Variants in SPAST observed in about 807,000 individuals in gnomAD.
The protein encoded by SPAST is spastin.
Under a neutral mutation model 76.6 loss-of-function variants are expected in SPAST, and 30 were observed. The observed-to-expected ratio is 0.39, with a 90% CI of 0.29 to 0.53. The LOEUF (loss-of-function observed/expected upper bound fraction) is 0.53. Among genes scored for constraint, SPAST ranks in the 20% least tolerant of loss-of-function variants. SPAST has a pLI of 0.68. For synonymous variants in SPAST, 305 were observed against 281.0 expected, an observed-to-expected ratio of 1.09 and a Z score of -0.86; for missense variants, 717 against 770.5, an observed-to-expected ratio of 0.93 and a Z score of 0.82.
At chr2:32,136,025 C>T (rs1679524404) in intron 9 of SPAST, among the ~76,000 whole-genome samples, 2 of 150,980 alleles carry the variant, frequency 1.3e-5, no homozygotes, top group Admixed American at 1.3e-4. Flanking sequence ...TCACAGTGAG[C>T]CGAGATTGCA....
rs1205462897 is a variant in SPAST at position 32,156,556 on chromosome 2, A to T, written c.*2060A>T. 2.0e-5 allele frequency: 3 copies of T among 152,318 alleles called. No individual in the cohort carries two copies. In the East Asian group the frequency reaches 5.8e-4, roughly 29 times the overall value. The allele number at this position is 152,318 out of a possible 1,614,324, so 9.4% of individuals were successfully genotyped here. A position where few individuals can be genotyped will look rare whatever the true frequency, so the allele number is the denominator to read the frequency against. On this transcript the variant is annotated 3_prime_UTR_variant, in exon 17 of 17. Transcript: ENST00000315285. Reference sequence around the variant, plus strand: ...TTACAACATCAATTATGAAATACTGATAACGAAAGGTAGTAATGAAATATA... The same window carrying T: ...TTACAACATCAATTATGAAATACTGTTAACGAAAGGTAGTAATGAAATATA...
rs1383033683 is a variant in SPAST at position 32,156,381 on chromosome 2, A to G, written c.*1885A>G. ...AGGATCATATGCTGTTTGTAGCCAT[A>G]AGGTAAATCATGTCTCTTCCAATCA... On this transcript the variant is annotated 3_prime_UTR_variant, in exon 17 of 17. Transcript: ENST00000315285. 1 of 152,168 alleles carries G rather than the reference A, an allele frequency of 6.6e-6. No individual in the cohort carries two copies. The highest frequency in any genetic ancestry group is 6.6e-5 in the Admixed American group (1 of 15,262). 9.4% of individuals were successfully genotyped at this position (152,168 alleles called of 1,614,324 possible). A position where few individuals can be genotyped will look rare whatever the true frequency, so the allele number is the denominator to read the frequency against.
intron 1 of SPAST, among the ~76,000 whole-genome samples, chr2:32,069,102 A>G (rs989325845): frequency 3.3e-5 from 5 of 151,888 alleles, no homozygotes; most frequent in African/African-American, 1.2e-4. Context: ...AGTCCCGGGT[A>G]CTTGGGACGC....
intron 4 of SPAST, among the ~76,000 whole-genome samples, chr2:32,113,310 C>T (rs571736681): frequency 6.6e-6 from 1 of 151,188 alleles, no homozygotes; most frequent in Non-Finnish European, 1.5e-5. Context: ...GTCTTGAACT[C>T]CATACCTCAG....
intron 1 of SPAST, among the ~76,000 whole-genome samples, chr2:32,079,851 A>C (rs1677132121): frequency 6.6e-6 from 1 of 152,128 alleles, no homozygotes; most frequent in African/African-American, 2.4e-5. Context: ...TTATTAATGG[A>C]TATTTGGATT....
At chr2:32,083,806 C>T (rs1157404931) in intron 1 of SPAST, among the ~76,000 whole-genome samples, 2 of 98,392 alleles carry the variant, frequency 2.0e-5, no homozygotes, top group African/African-American at 3.9e-5. Flanking sequence ...TGAAGTCATG[C>T]TCTGTTGACC....
intron 1 of SPAST, among the ~76,000 whole-genome samples, chr2:32,078,815 T>C (rs1449520438): frequency 6.6e-6 from 1 of 152,212 alleles, no homozygotes; most frequent in African/African-American, 2.4e-5. Flanking sequence ...TCTTTTTCAC[T>C]TACCATATTT....
chr2:32,139,722 G>A lies in SPAST; in HGVS notation c.1494-2182G>A, dbSNP rs187464190. On this transcript the variant is annotated intron_variant, in intron 12 of 16. Coordinates refer to ENST00000315285, the MANE Select transcript of SPAST (RefSeq NM_014946.4). ...TGGGCGCCTGTAATCCCATCTGCTC[G>A]GGAGGCTGAGGCAGGAGAATTGCTT... Among the ~76,000 whole-genome samples, 189 of 152,032 alleles carry A rather than the reference G, an allele frequency of 1.2e-3. 1 individual carries two copies. The highest frequency in any genetic ancestry group is 2.9e-3 in the South Asian group (14 of 4,822).
intron 1 of SPAST, among the ~76,000 whole-genome samples, chr2:32,067,609 T>C (rs1368866158): frequency 2.0e-5 from 3 of 151,958 alleles, no homozygotes; most frequent in Non-Finnish European, 4.4e-5. Context: ...CCTAAACATT[T>C]TTATTTTTCA....
intron 9 of SPAST, among the ~76,000 whole-genome samples, chr2:32,132,629 T>C (rs988926874): frequency 2.6e-5 from 4 of 152,110 alleles, no homozygotes; most frequent in Non-Finnish European, 4.4e-5. Flanking sequence ...TAGTTGTCTT[T>C]CTATGGTCTC....
chr2:32,133,003 G>C (rs1403570747), intron 9 of SPAST, among the ~76,000 whole-genome samples: 1 of 151,202 alleles, frequency 6.6e-6, no homozygotes, highest in Non-Finnish European at 1.5e-5. Flanking sequence ...CCGAGATTGC[G>C]CCATTCCACT....
intron 9 of SPAST, among the ~76,000 whole-genome samples, chr2:32,133,024 C>T (rs1475088058): frequency 6.9e-6 from 1 of 144,318 alleles, no homozygotes; most frequent in African/African-American, 2.6e-5. Flanking sequence ...CCAGCCTGGG[C>T]AACAAAAGTG....
At chr2:32,064,811 T>G (rs1676443644) in intron 1 of SPAST, among the ~76,000 whole-genome samples, 1 of 152,216 alleles carries the variant, frequency 6.6e-6, no homozygotes, top group African/African-American at 2.4e-5. Context: ...ACTTTTTCAA[T>G]GAAGTTATAT....
chr2:32,086,750 T>C (rs960483607), intron 1 of SPAST, among the ~76,000 whole-genome samples: 1 of 151,328 alleles, frequency 6.6e-6, no homozygotes, highest in Non-Finnish European at 1.5e-5. Context: ...AGAGCAAGAC[T>C]CTGTCTCAAA....
At chr2:32,119,280 G>C (rs1033949894) in intron 7 of SPAST, among the ~76,000 whole-genome samples, 1 of 152,046 alleles carries the variant, frequency 6.6e-6, no homozygotes, top group African/African-American at 2.4e-5. Flanking sequence ...CCTATGAATG[G>C]GTAAGACTTA....
At chr2:32,149,642 C>T (rs979028287) in intron 16 of SPAST, among the ~76,000 whole-genome samples, 2 of 152,118 alleles carry the variant, frequency 1.3e-5, no homozygotes, top group Non-Finnish European at 2.9e-5. Context: ...TGAACATGTA[C>T]AGACTTTTAT....
chr2:32,078,624 T>TGG (rs1340600618), intron 1 of SPAST, among the ~76,000 whole-genome samples: 1 of 152,198 alleles, frequency 6.6e-6, no homozygotes, highest in Non-Finnish European at 1.5e-5. Flanking sequence ...CACTCCAGCT[T>TGG]GGGTGACAGA....
rs536388282 is a variant in SPAST at position 32,084,904 on chromosome 2, A to T, written c.416-2588A>T. On this transcript the variant is annotated intron_variant, in intron 1 of 16. Coordinates refer to ENST00000315285, the MANE Select transcript of SPAST (RefSeq NM_014946.4). ...CTCCGTCTCAAAAAAAAAAAAAAAA[A>T]AAAAAAGGGAAGGAGCATGGGAATG... 4.0e-5 allele frequency among the ~76,000 whole-genome samples: 6 copies of T among 151,460 alleles called. No homozygotes were observed. The South Asian group carries it at 8.3e-4, about 21-fold the overall frequency.
At chr2:32,081,781 C>CAAAAAAAAAAAAAAAAAA (rs34078147) in intron 1 of SPAST, among the ~76,000 whole-genome samples, 10 of 44,384 alleles carry the variant, frequency 2.3e-4, no homozygotes, top group Admixed American at 3.8e-4. Context: ...GAGACACTGT[C>CAAAAAAAAAAAAAAAAAA]AAAAAAAAAA....
Sources: allele counts gnomAD v4.1 joint callset (sites outside exome capture counted in the v4.1 genomes callset), GRCh38; gene constraint gnomAD v4.1.1; transcripts MANE v1.5; gene names NCBI Gene and HGNC (gene_info 2026-07-23, HGNC 2026-07-21).